The following NF1 variants were observed in gnomAD, a reference collection of about 807,000 sequenced individuals.
NF1 encodes the protein neurofibromin 1.
Under a neutral mutation model 325.7 loss-of-function variants are expected in NF1, and 122 were observed. That is an observed-to-expected ratio of 0.37 (90% CI 0.32 to 0.44). The LOEUF (loss-of-function observed/expected upper bound fraction) is 0.44. Among genes scored for constraint, NF1 ranks in the 20% least tolerant of loss-of-function variants. The pLI is 1.00. For missense variants in NF1, 2,140 were observed against 3,415.4 expected (o/e 0.63, Z 9.31); for synonymous variants, 1,091 against 1,186.0 (o/e 0.92, Z 1.65).
intron 36 of NF1, chr17:31,321,628 G>A (rs1409076542): frequency 6.6e-6 from 1 of 151,766 alleles, no homozygotes; most frequent in African/African-American, 2.4e-5. Flanking sequence ...AAAAGGATAT[G>A]TGCAGCTAGT....
intron 57 of NF1, among the ~76,000 whole-genome samples, chr17:31,372,243 A>G (rs1438589845): frequency 6.6e-6 from 1 of 152,132 alleles, no homozygotes. Context: ...GCAGATGTTT[A>G]CCCAGCCCTA....
chr17:31,170,053 C>A (rs2143708980), intron 5 of NF1, 56 bp downstream of exon 5: 2 of 1,036,852 alleles, frequency 1.9e-6, no homozygotes, highest in South Asian at 1.3e-5. Context: ...AAACTAGTAT[C>A]ATGAATGTAC....
chr17:31,221,722 A>G, intron 14 of NF1, 128 bp from the exon 15 acceptor site: 2 of 690,698 alleles, frequency 2.9e-6, no homozygotes, highest in Non-Finnish European at 5.1e-6. Flanking sequence ...ACCTTTTACT[A>G]TATATTGAAA....
chr17:31,268,023 G>C (rs1282580217), intron 36 of NF1, among the ~76,000 whole-genome samples: 1 of 152,138 alleles, frequency 6.6e-6, no homozygotes, highest in Non-Finnish European at 1.5e-5. Context: ...TTAGCGCAGA[G>C]CCTACCCAGA....
intron 29 of NF1, among the ~76,000 whole-genome samples, chr17:31,236,981 A>G (rs545936006): frequency 6.6e-6 from 1 of 152,282 alleles, no homozygotes; most frequent in South Asian, 2.1e-4. Flanking sequence ...AACATTTTAT[A>G]AATATTTGTT....
intron 30 of NF1, chr17:31,250,684 T>G (rs1332906962): frequency 5.2e-6 from 1 of 191,690 alleles, no homozygotes; most frequent in Non-Finnish European, 1.1e-5. Flanking sequence ...TTAGGAAATA[T>G]TTAATGAAGA....
At chr17:31,218,694 C>T (rs1273714050) in intron 13 of NF1, among the ~76,000 whole-genome samples, 1 of 152,164 alleles carries the variant, frequency 6.6e-6, no homozygotes, top group Non-Finnish European at 1.5e-5. Flanking sequence ...GCCTCAGCCT[C>T]CCAAGTGGCT....
At chr17:31,361,691 G>A (rs920538642) in intron 57 of NF1, 16 of 152,018 alleles carry the variant, frequency 1.1e-4, no homozygotes, top group African/African-American at 3.6e-4. Flanking sequence ...AAAATCCAAT[G>A]ACATAACTAT....
chr17:31,130,074 G>GTTTTTTTTT (rs201697638), intron 1 of NF1, among the ~76,000 whole-genome samples: 8 of 129,348 alleles, frequency 6.2e-5, no homozygotes, highest in African/African-American at 1.5e-4. Context: ...TGAAGTCGCT[G>GTTTTTTTTT]TTTTTTTTTG....
rs554690318 is a variant in NF1, at chr17:31,311,360, G to A, written c.4836-14460G>A. Among the ~76,000 whole-genome samples, 7 of 152,308 alleles carry A rather than the reference G, an allele frequency of 4.6e-5. No homozygotes were observed. In the South Asian group the frequency reaches 1.4e-3, roughly 32 times the overall value. On this transcript the variant is annotated intron_variant, in intron 36 of 57. Coordinates refer to ENST00000358273, the MANE Select transcript of NF1 (RefSeq NM_001042492.3). ...AGGAAGTATGCCATTATCTTTTAAA[G>A]AGAATCAAGATTTGGAGAGCATATC...
intron 12 of NF1, among the ~76,000 whole-genome samples, chr17:31,206,987 A>G (rs1386801781): frequency 1.3e-5 from 2 of 152,204 alleles, no homozygotes; most frequent in African/African-American, 2.4e-5. Context: ...TAAAACTCCT[A>G]TGGAATCAAT....
intron 30 of NF1, chr17:31,250,271 G>T (rs1055586542): frequency 7.5e-6 from 2 of 266,392 alleles, no homozygotes; most frequent in Non-Finnish European, 1.5e-5. Flanking sequence ...GGGTAGTTTA[G>T]TTATAATATG....
intron 36 of NF1, chr17:31,320,951 G>A (rs2069170706): frequency 6.6e-6 from 1 of 152,406 alleles, no homozygotes; most frequent in Non-Finnish European, 1.5e-5. Flanking sequence ...TTTTAACAGT[G>A]CTTACCACGG....
chr17:31,140,827 G>A (rs1204290895), intron 1 of NF1, among the ~76,000 whole-genome samples: 2 of 152,214 alleles, frequency 1.3e-5, no homozygotes, highest in Admixed American at 1.3e-4. Flanking sequence ...TGGACCTTAT[G>A]CTAAGTGAAA....
chr17:31,097,618 A>G (rs1191278911), intron 1 of NF1, among the ~76,000 whole-genome samples: 2 of 152,216 alleles, frequency 1.3e-5, no homozygotes, highest in Non-Finnish European at 1.5e-5. Flanking sequence ...GTTAAAAATT[A>G]AGGACATTAG....
intron 1 of NF1, among the ~76,000 whole-genome samples, chr17:31,153,229 CTTTA>C (rs1258144332): frequency 6.6e-6 from 1 of 152,144 alleles, no homozygotes; most frequent in African/African-American, 2.4e-5. Context: ...TTTAAATAAA[CTTTA>C]TTTAATAATA....
chr17:31,199,832 G>C (rs2066494603), intron 8 of NF1, among the ~76,000 whole-genome samples: 1 of 152,046 alleles, frequency 6.6e-6, no homozygotes, highest in African/African-American at 2.4e-5. Flanking sequence ...AGAAGATATG[G>C]TCAGCTGAAT....
intron 12 of NF1, among the ~76,000 whole-genome samples, chr17:31,207,495 G>A (rs1245427271): frequency 7.9e-5 from 12 of 152,066 alleles, no homozygotes; most frequent in Non-Finnish European, 1.5e-5. Flanking sequence ...GTTTATCTTA[G>A]ATGTTCAAAT....
rs187713324 is a variant in NF1, at chr17:31,184,542, C to G, written c.888+1877C>G. Among the ~76,000 whole-genome samples the G allele has an allele frequency of 1.1e-3, 162 of 149,608 alleles. 1 individual carries two copies. The highest frequency in any genetic ancestry group is 3.4e-3 in the Middle Eastern group (1 of 292). ...CGGGCGCCTGTAGTCCCAGCTACTCCGGAGGCTGAGGCAGGAGAATGGCGT... is the reference window on the plus strand; with the variant it reads ...CGGGCGCCTGTAGTCCCAGCTACTCGGGAGGCTGAGGCAGGAGAATGGCGT... On this transcript the variant is annotated intron_variant, in intron 8 of 57. Transcript: ENST00000358273.
Sources: gnomAD v4.1 joint callset for allele counts (sites outside exome capture counted in the v4.1 genomes callset) on GRCh38, gnomAD v4.1.1 for gene constraint, MANE v1.5 for transcripts, NCBI Gene and HGNC (gene_info 2026-07-23, HGNC 2026-07-21) for gene names.